Variants in NEDD4L observed in about 807,000 individuals in gnomAD.
NEDD4L encodes the protein E3 ubiquitin-protein ligase NEDD4-like.
A neutral mutation model predicts 148.9 loss-of-function variants in NEDD4L; 54 were observed. The observed-to-expected ratio is 0.36, with a 90% confidence interval of 0.29 to 0.45. NEDD4L has a LOEUF of 0.45. Ranked by LOEUF, NEDD4L falls within the 20% of genes least tolerant of loss-of-function variation. The probability of loss-of-function intolerance (pLI) is 1.00; values close to 1 mark genes in which losing one functional copy is unlikely to be tolerated. For synonymous variants in NEDD4L, 433 were observed against 440.7 expected, an observed-to-expected ratio of 0.98 and a Z score of 0.22; for missense variants, 856 against 1,233.8, an observed-to-expected ratio of 0.69 and a Z score of 4.59.
At chr18:58,115,074 G>A (rs72942954) in intron 1 of NEDD4L, among the ~76,000 whole-genome samples, 2,267 of 152,208 alleles carry the variant, frequency 0.015, 21 homozygotes, top group Non-Finnish European at 0.022. Context: ...ATTAGGACTC[G>A]CGCATCTTGG....
chr18:58,216,719 G>A (rs1238421395), intron 2 of NEDD4L, among the ~76,000 whole-genome samples: 1 of 152,126 alleles, frequency 6.6e-6, no homozygotes, highest in Non-Finnish European at 1.5e-5. Context: ...TAGGTCTAAG[G>A]CATCCCTTAG....
rs566596595 is a variant in NEDD4L, at chr18:58,332,242, A to T, written c.990+1328A>T. Among the ~76,000 whole-genome samples the T allele has an allele frequency of 3.3e-5, 5 of 152,342 alleles. No individual in the cohort carries two copies. The East Asian group carries it at 9.6e-4, about 29-fold the overall frequency. On this transcript the variant is annotated intron_variant, in intron 11 of 30. Coordinates refer to ENST00000400345, the MANE Select transcript of NEDD4L (RefSeq NM_001144967.3). ...GAATTTAATTATTCTAGATCTGTGA[A>T]ATATCATTAAGACCCAAATACAATG...
Position 58,181,643 on chromosome 18 carries a change from C to T in NEDD4L, c.122+15782C>T, listed in dbSNP as rs1334900158. Among the ~76,000 whole-genome samples, 4 of 152,120 alleles carry T rather than the reference C, an allele frequency of 2.6e-5. No individual in the cohort carries two copies. In the South Asian group the frequency reaches 6.2e-4, roughly 24 times the overall value. On this transcript the variant is annotated intron_variant, in intron 2 of 30. Coordinates refer to ENST00000400345, the MANE Select transcript of NEDD4L (RefSeq NM_001144967.3). Reference sequence around the variant, plus strand: ...TAGATACAGGGATCTCGCTATATTGCCCAGGCTGGTCTTGAACTCCTGAAG... The same window carrying T: ...TAGATACAGGGATCTCGCTATATTGTCCAGGCTGGTCTTGAACTCCTGAAG...
rs2032612942 is a variant in NEDD4L, at chr18:58,134,669, G to GTTGTCA, written c.49-31119_49-31118insTTGTCA. Among the ~76,000 whole-genome samples the GTTGTCA allele has an allele frequency of 8.4e-4, 2 of 2,382 alleles. 1 individual carries two copies. 1.6% of individuals were successfully genotyped at this position (2,382 alleles called of 152,430 possible). A position where few individuals can be genotyped will look rare whatever the true frequency, so the allele number is the denominator to read the frequency against. ...TTACAGGCGTGAGCCACCGCGCCCG[G>GTTGTCA]CCGCAATTCCATTTCTTAAGTGAAA... On this transcript the variant is annotated intron_variant, in intron 1 of 30. Transcript: ENST00000400345.
At chr18:58,234,090 TTTCTTTC>T (rs1372474152) in intron 2 of NEDD4L, among the ~76,000 whole-genome samples, 44 of 94,118 alleles carry the variant, frequency 4.7e-4, no homozygotes, top group African/African-American at 1.8e-3. Flanking sequence ...TCTTTCTTTC[TTTCTTTC>T]TTTCTTTTCT....
At chr18:58,184,252 C>T (rs1349022755) in intron 2 of NEDD4L, among the ~76,000 whole-genome samples, 2 of 152,090 alleles carry the variant, frequency 1.3e-5, no homozygotes, top group Non-Finnish European at 2.9e-5. Flanking sequence ...TTAGGAATTG[C>T]CATGTTGTGG....
intron 22 of NEDD4L, among the ~76,000 whole-genome samples, chr18:58,368,292 G>T (rs749947474): frequency 5.9e-5 from 9 of 152,072 alleles, no homozygotes; most frequent in Non-Finnish European, 1.3e-4. Context: ...TCAAAATAAT[G>T]TTACTGCTTA....
chr18:58,181,095 T>C (rs1475886930), intron 2 of NEDD4L, among the ~76,000 whole-genome samples: 1 of 152,276 alleles, frequency 6.6e-6, no homozygotes, highest in Non-Finnish European at 1.5e-5. Flanking sequence ...GTGACACTTA[T>C]GCAGAGGAGA....
chr18:58,078,713 TTGAGG>T (rs1221681559), intron 1 of NEDD4L, among the ~76,000 whole-genome samples: 3 of 152,174 alleles, frequency 2.0e-5, no homozygotes, highest in African/African-American at 7.2e-5. Context: ...AGTTCTTTTC[TTGAGG>T]TGAAAGTGAT....
chr18:58,269,428 T>C (rs2050705537), intron 5 of NEDD4L, among the ~76,000 whole-genome samples: 1 of 152,070 alleles, frequency 6.6e-6, no homozygotes, highest in Admixed American at 6.5e-5. Context: ...ACCCTTGTGC[T>C]CAACACAAGT....
intron 2 of NEDD4L, among the ~76,000 whole-genome samples, chr18:58,235,985 A>G (rs969912138): frequency 1.6e-4 from 24 of 152,036 alleles, no homozygotes; most frequent in African/African-American, 5.8e-4. Context: ...GTGAACTGAG[A>G]TTGTGCCACT....
At chr18:58,171,618 G>T (rs945294632) in intron 2 of NEDD4L, among the ~76,000 whole-genome samples, 1 of 152,252 alleles carries the variant, frequency 6.6e-6, no homozygotes, top group African/African-American at 2.4e-5. Context: ...CAGTTGCCTG[G>T]TAAACTGCCT....
At chr18:58,282,871 A>G (rs2053359665) in intron 5 of NEDD4L, among the ~76,000 whole-genome samples, 1 of 152,182 alleles carries the variant, frequency 6.6e-6, no homozygotes, top group Non-Finnish European at 1.5e-5. Context: ...GTAACAAACC[A>G]CATCTCAGTG....
intron 2 of NEDD4L, chr18:58,195,691 C>A (rs1457516390): frequency 7.4e-7 from 1 of 1,352,100 alleles, no homozygotes; most frequent in Admixed American, 1.9e-5. Context: ...CTGCCTCTCT[C>A]TCCGCTCCCC....
chr18:58,278,343 G>A (rs2052470654), intron 5 of NEDD4L, among the ~76,000 whole-genome samples: 1 of 152,156 alleles, frequency 6.6e-6, no homozygotes, highest in East Asian at 1.9e-4. Flanking sequence ...ACATCTGTCT[G>A]GCGTCCAGGC....
chr18:58,351,583 C>A (rs1026471832), intron 18 of NEDD4L, among the ~76,000 whole-genome samples: 16 of 152,086 alleles, frequency 1.1e-4, no homozygotes, highest in South Asian at 4.1e-4. Context: ...TGCTCCAGCA[C>A]CTATGAAAAA....
rs1204546226 is a variant in NEDD4L, at chr18:58,341,176, A to C, written c.1257+7A>C. On this transcript the variant is annotated splice_region_variant and intron_variant, in intron 14 of 30. Transcript: ENST00000400345. Reference sequence around the variant, plus strand: ...GACTCGACCTATCATGCAGGTACGAAGATTGCCATCCAACTTAAAACCGCA... The same window carrying C: ...GACTCGACCTATCATGCAGGTACGACGATTGCCATCCAACTTAAAACCGCA... The C allele has an allele frequency of 6.2e-7, 1 of 1,611,786 alleles. No homozygotes were observed. The highest frequency in any genetic ancestry group is 8.5e-7 in the Non-Finnish European group (1 of 1,179,222).
intron 24 of NEDD4L, among the ~76,000 whole-genome samples, chr18:58,381,332 G>A (rs919770420): frequency 6.6e-6 from 1 of 152,170 alleles, no homozygotes; most frequent in Non-Finnish European, 1.5e-5. Flanking sequence ...TTTGGAGGAA[G>A]CAGAGTGTTT....
At chr18:58,293,388 A>G (rs1219931851) in intron 5 of NEDD4L, among the ~76,000 whole-genome samples, 1 of 152,246 alleles carries the variant, frequency 6.6e-6, no homozygotes, top group African/African-American at 2.4e-5. Context: ...AGAACAAATT[A>G]TCTTCTGGAA....
Sources: allele counts gnomAD v4.1 joint callset (sites outside exome capture counted in the v4.1 genomes callset), GRCh38; gene constraint gnomAD v4.1.1; transcripts MANE v1.5; gene names NCBI Gene and HGNC (gene_info 2026-07-23, HGNC 2026-07-21).